The following CSMD1 variants were observed in gnomAD, a reference collection of about 807,000 sequenced individuals.
The protein encoded by CSMD1 is CUB and sushi domain-containing protein 1.
Under a neutral mutation model 417.5 loss-of-function variants are expected in CSMD1, and 213 were observed. The observed-to-expected ratio is 0.51, with a 90% CI of 0.46 to 0.57. The LOEUF (loss-of-function observed/expected upper bound fraction) is 0.57. Among genes scored for constraint, CSMD1 ranks in the 20% least tolerant of loss-of-function variants. The pLI is 0.00. For synonymous variants in CSMD1, 2,862 were observed against 1,736.8 expected (o/e 1.65, Z -16.11); for missense variants, 6,923 against 4,529.7 (o/e 1.53, Z -15.17).
chr8:3,884,660 G>C (rs1026621648), intron 5 of CSMD1, among the ~76,000 whole-genome samples: 6 of 151,988 alleles, frequency 3.9e-5, no homozygotes, highest in Non-Finnish European at 8.8e-5. Context: ...AATAAATTCT[G>C]GATATTCTTC....
At chr8:4,468,818 G>C (rs543004591) in intron 2 of CSMD1, among the ~76,000 whole-genome samples, 1 of 152,088 alleles carries the variant, frequency 6.6e-6, no homozygotes, top group Non-Finnish European at 1.5e-5. Context: ...TTATTGTATT[G>C]AATTTAGCCC....
chr8:3,567,107 G>C (rs1249275190), intron 10 of CSMD1, among the ~76,000 whole-genome samples: 1 of 152,182 alleles, frequency 6.6e-6, no homozygotes, highest in Non-Finnish European at 1.5e-5. Flanking sequence ...TAAAAAGAAT[G>C]AGATTTTGTC....
chr8:4,992,237 G>A (rs1161466026), intron 1 of CSMD1, among the ~76,000 whole-genome samples: 2 of 143,082 alleles, frequency 1.4e-5, no homozygotes, highest in Non-Finnish European at 2.9e-5. Flanking sequence ...TCCCGCCTCC[G>A]CCTCAGCCTC....
At chr8:3,246,205 G>C (rs1023785156) in intron 26 of CSMD1, among the ~76,000 whole-genome samples, 1 of 152,044 alleles carries the variant, frequency 6.6e-6, no homozygotes, top group Non-Finnish European at 1.5e-5. Flanking sequence ...CGTGGGATCA[G>C]GGCCCTGCCT....
At chr8:4,435,610 T>G (rs199700648) in intron 2 of CSMD1, among the ~76,000 whole-genome samples, 1 of 152,162 alleles carries the variant, frequency 6.6e-6, no homozygotes, top group Non-Finnish European at 1.5e-5. Flanking sequence ...TCACGGCACA[T>G]GAGTGAATGG....
chr8:3,984,360 T>C (rs755956175), intron 5 of CSMD1, among the ~76,000 whole-genome samples: 2 of 152,178 alleles, frequency 1.3e-5, no homozygotes, highest in Admixed American at 6.5e-5. Context: ...CGACAGATCA[T>C]GAGTCTCTGT....
rs543022962 is a variant in CSMD1 at position 3,905,871 on chromosome 8, G to A, written c.818+92032C>T. ...TCCGGACTGTGGACCCAATTTAGCAGAAGGTTTCTGATCTCTTACTATTTA... is the reference window on the plus strand; with the variant it reads ...TCCGGACTGTGGACCCAATTTAGCAAAAGGTTTCTGATCTCTTACTATTTA... On this transcript the variant is annotated intron_variant, in intron 5 of 69. Coordinates refer to ENST00000635120, the MANE Select transcript of CSMD1 (RefSeq NM_033225.6). 1.6e-3 allele frequency among the ~76,000 whole-genome samples: 237 copies of A among 152,334 alleles called. 2 individuals are homozygous for A. The Middle Eastern group carries it at 0.027, about 17-fold the overall frequency.
chr8:4,723,181 G>A (rs1294420497), intron 1 of CSMD1, among the ~76,000 whole-genome samples: 1 of 152,096 alleles, frequency 6.6e-6, no homozygotes, highest in East Asian at 1.9e-4. Context: ...ATGGTCTCAT[G>A]GGGAACCCGC....
chr8:4,059,839 T>G (rs1246488876), intron 3 of CSMD1, among the ~76,000 whole-genome samples: 1 of 149,370 alleles, frequency 6.7e-6, no homozygotes, highest in Non-Finnish European at 1.5e-5. Context: ...ACCAGATGGA[T>G]TCACAGCCGA....
intron 23 of CSMD1, among the ~76,000 whole-genome samples, chr8:3,336,061 T>C (rs1807241788): frequency 6.6e-6 from 1 of 152,172 alleles, no homozygotes; most frequent in Admixed American, 6.5e-5. Context: ...TACAAAGTGC[T>C]TTGAGTAACT....
intron 7 of CSMD1, among the ~76,000 whole-genome samples, chr8:3,619,015 A>C (rs903619239): frequency 6.6e-6 from 1 of 152,172 alleles, no homozygotes; most frequent in African/African-American, 2.4e-5. Context: ...CAGCCATGAA[A>C]GGCTGTGACA....
chr8:4,194,493 A>G (rs1799217272), intron 3 of CSMD1, among the ~76,000 whole-genome samples: 1 of 152,154 alleles, frequency 6.6e-6, no homozygotes, highest in South Asian at 2.1e-4. Context: ...ATAAATAGTG[A>G]TTATCATGTA....
intron 3 of CSMD1, among the ~76,000 whole-genome samples, chr8:4,218,958 A>T (rs927700394): frequency 6.6e-6 from 1 of 152,176 alleles, no homozygotes; most frequent in Non-Finnish European, 1.5e-5. Flanking sequence ...ATTTTTTCCA[A>T]CGTATGTCTA....
chr8:4,225,734 G>C (rs1258622838), intron 3 of CSMD1, among the ~76,000 whole-genome samples: 1 of 152,060 alleles, frequency 6.6e-6, no homozygotes, highest in Admixed American at 6.6e-5. Flanking sequence ...CAACATGGCG[G>C]CTTCTGAGTA....
chr8:4,872,760 C>A (rs931177836), intron 1 of CSMD1, among the ~76,000 whole-genome samples: 1 of 152,028 alleles, frequency 6.6e-6, no homozygotes, highest in Non-Finnish European at 1.5e-5. Flanking sequence ...AGATATCTTG[C>A]ACATTTATAA....
intron 1 of CSMD1, among the ~76,000 whole-genome samples, chr8:4,875,496 AC>A: frequency 6.6e-6 from 1 of 152,068 alleles, no homozygotes; most frequent in Middle Eastern, 3.4e-3. Context: ...CACTTGAGCA[AC>A]TCCATGAGAT....
chr8:4,103,182 A>G (rs932255820), intron 3 of CSMD1, among the ~76,000 whole-genome samples: 5 of 152,110 alleles, frequency 3.3e-5, no homozygotes, highest in Admixed American at 6.6e-5. Context: ...CAAAACCAGT[A>G]ACAGCAACAT....
At position 3,407,235 on chromosome 8, in the gene CSMD1, G is replaced by A. The variant is rs987207721; in HGVS notation, c.2071+664C>T. On this transcript the variant is annotated intron_variant, in intron 14 of 69. Coordinates refer to ENST00000635120, the MANE Select transcript of CSMD1 (RefSeq NM_033225.6). ...GAAATAATAGATAAATGGACAAAAC[G>A]ATGGAAGGGAAGGATGAATGGAAGG... Among the ~76,000 whole-genome samples the A allele has an allele frequency of 2.6e-5, 4 of 151,798 alleles. No homozygotes were observed. In the East Asian group the frequency reaches 7.8e-4, roughly 30 times the overall value.
At chr8:4,330,208 A>ACACCCGTCAGATCCACCTGTCAGATC (rs535200705) in intron 3 of CSMD1, among the ~76,000 whole-genome samples, 17,793 of 151,250 alleles carry the variant, frequency 0.12, 1,358 homozygotes, top group Middle Eastern at 0.19. Flanking sequence ...TTTCTCCATA[A>ACACCCGTCAGATCCACCTGTCAGATC]CACCCGTCAG....
Sources: allele counts gnomAD v4.1 joint callset (sites outside exome capture counted in the v4.1 genomes callset), GRCh38; gene constraint gnomAD v4.1.1; transcripts MANE v1.5; gene names NCBI Gene and HGNC (gene_info 2026-07-23, HGNC 2026-07-21).